The following RARB variants were observed in gnomAD, a reference collection of about 807,000 sequenced individuals.
RARB encodes the protein HBV-activated protein.
In RARB, 17 loss-of-function variants were observed where a neutral mutation model predicts 51.9. The observed-to-expected ratio is 0.33, with a 90% CI of 0.22 to 0.49. The LOEUF is 0.49. Among genes scored for constraint, RARB ranks in the 20% least tolerant of loss-of-function variants. The pLI, the probability that RARB is intolerant of heterozygous loss-of-function variation, is 0.99. For synonymous variants in RARB, 215 were observed against 195.4 expected, an observed-to-expected ratio of 1.10 and a Z score of -0.84; for missense variants, 369 against 550.8, an observed-to-expected ratio of 0.67 and a Z score of 3.30.
rs540471083 is a variant in RARB, at chr3:24,839,686, G to A, written c.-459+10283G>A. Among the ~76,000 whole-genome samples the A allele has an allele frequency of 3.6e-3, 386 of 106,070 alleles. 2 individuals carry two copies. The highest frequency in any genetic ancestry group is 8.9e-3 in the Middle Eastern group (1 of 112). The allele number at this position is 106,070 out of a possible 152,430, so 69.6% of individuals were successfully genotyped here. On this transcript the variant is annotated intron_variant, in intron 1 of 11. Coordinates refer to the RARB transcript ENST00000383772. Reference sequence around the variant, plus strand: ...GCCACTGCACTCCAGCCTAGGCTACGGACCAAGACGCTGTCTCAAAAAAAA... The same window carrying A: ...GCCACTGCACTCCAGCCTAGGCTACAGACCAAGACGCTGTCTCAAAAAAAA...
chr3:25,512,455 C>T (rs980083486), intron 3 of RARB, among the ~76,000 whole-genome samples: 3 of 151,636 alleles, frequency 2.0e-5, no homozygotes, highest in African/African-American at 7.2e-5. Flanking sequence ...TCCAAATGTC[C>T]AAATGTGTTA....
chr3:25,447,662 A>G (rs1263813720), intron 1 of RARB, among the ~76,000 whole-genome samples: 2 of 152,116 alleles, frequency 1.3e-5, no homozygotes. Flanking sequence ...TAAAGAAGCC[A>G]TTTCTGAGGG....
rs56693487 is a variant in RARB, at chr3:25,539,532, C to CTTT, written c.449-30212_449-30210dup. 8.1e-4 allele frequency among the ~76,000 whole-genome samples: 83 copies of CTTT among 102,368 alleles called. 1 individual carries two copies. Among genetic ancestry groups the CTTT allele is most frequent in the African/African-American group, 2.6e-3 (59 of 23,052 alleles). The allele number at this position is 102,368 out of a possible 152,430, so 67.2% of individuals were successfully genotyped here. On this transcript the variant is annotated intron_variant, in intron 3 of 7. Transcript: ENST00000330688. ...CCACCTGGCCACACTCTCTCTCTCT[C>CTTT]TTTTTTTTTTTTTTTTCTTTTTTTT...
chr3:25,478,199 A>G (rs1390607544), intron 2 of RARB, among the ~76,000 whole-genome samples: 1 of 152,192 alleles, frequency 6.6e-6, no homozygotes, highest in Non-Finnish European at 1.5e-5. Context: ...TATTGGTTAA[A>G]GCAGCCACAG....
At chr3:25,126,426 C>A (rs1023143850) in intron 3 of RARB, among the ~76,000 whole-genome samples, 2 of 151,558 alleles carry the variant, frequency 1.3e-5, no homozygotes, top group Admixed American at 6.6e-5. Flanking sequence ...TGTTATTTTT[C>A]CAGTGAAAAC....
chr3:24,974,263 C>T (rs1238749267), intron 2 of RARB, among the ~76,000 whole-genome samples: 1 of 151,980 alleles, frequency 6.6e-6, no homozygotes, highest in Non-Finnish European at 1.5e-5. Context: ...TTGAATTATT[C>T]TTGCATCCCT....
At chr3:24,837,083 C>T (rs1448130855) in intron 1 of RARB, among the ~76,000 whole-genome samples, 1 of 151,980 alleles carries the variant, frequency 6.6e-6, no homozygotes, top group Non-Finnish European at 1.5e-5. Flanking sequence ...TGAAGAAAAC[C>T]TTATCATATA....
chr3:24,962,226 G>T (rs1257144927), intron 2 of RARB, among the ~76,000 whole-genome samples: 1 of 150,826 alleles, frequency 6.6e-6, no homozygotes, highest in Admixed American at 6.6e-5. Context: ...ACCTCGCCCG[G>T]CCCCTTTGGG....
intron 3 of RARB, among the ~76,000 whole-genome samples, chr3:25,111,262 A>G (rs1487271819): frequency 3.9e-5 from 6 of 152,326 alleles, no homozygotes; most frequent in East Asian, 1.9e-4. Flanking sequence ...AAGTGCTTCA[A>G]TCATATTTGA....
chr3:25,391,508 A>C (rs190137565), intron 5 of RARB, among the ~76,000 whole-genome samples: 84 of 152,298 alleles, frequency 5.5e-4, no homozygotes, highest in Non-Finnish European at 1.0e-3. Flanking sequence ...TTACATTCCC[A>C]ATAGCAGTGC....
intron 4 of RARB, among the ~76,000 whole-genome samples, chr3:25,167,337 T>G (rs1700576680): frequency 6.6e-6 from 1 of 152,102 alleles, no homozygotes; most frequent in African/African-American, 2.4e-5. Flanking sequence ...GTATAAATCA[T>G]CAAAGATAAC....
At chr3:25,517,302 G>A (rs1477217008) in intron 3 of RARB, among the ~76,000 whole-genome samples, 1 of 152,064 alleles carries the variant, frequency 6.6e-6, no homozygotes, top group Non-Finnish European at 1.5e-5. Context: ...ACAGTAAAAA[G>A]ATAAATAGCT....
At chr3:25,131,310 C>A (rs1455688619) in intron 3 of RARB, among the ~76,000 whole-genome samples, 1 of 152,030 alleles carries the variant, frequency 6.6e-6, no homozygotes, top group Admixed American at 6.6e-5. Context: ...TAGCTGGAGT[C>A]ATTCGCTCTT....
At chr3:25,206,210 C>T (rs1253673638) in intron 5 of RARB, among the ~76,000 whole-genome samples, 1 of 152,140 alleles carries the variant, frequency 6.6e-6, no homozygotes, top group Non-Finnish European at 1.5e-5. Context: ...TCAAGTGAAT[C>T]CCCTCCTTGG....
At chr3:25,203,185 A>T (rs182162042) in intron 5 of RARB, among the ~76,000 whole-genome samples, 1 of 152,154 alleles carries the variant, frequency 6.6e-6, no homozygotes, top group Non-Finnish European at 1.5e-5. Context: ...CCATTATGCA[A>T]TGGCCTTCTT....
intron 1 of RARB, among the ~76,000 whole-genome samples, chr3:25,444,341 G>C (rs1485938889): frequency 2.0e-5 from 3 of 152,170 alleles, no homozygotes; most frequent in African/African-American, 7.2e-5. Context: ...AGAGGGATGG[G>C]GAAGATTAGA....
chr3:25,401,868 C>A (rs535767172), intron 5 of RARB, among the ~76,000 whole-genome samples: 1 of 152,242 alleles, frequency 6.6e-6, no homozygotes, highest in Admixed American at 6.5e-5. Context: ...CCTCTGCCTC[C>A]CGGGTTCAAG....
chr3:25,071,316 G>A (rs1698761496), intron 3 of RARB, among the ~76,000 whole-genome samples: 1 of 152,200 alleles, frequency 6.6e-6, no homozygotes, highest in African/African-American at 2.4e-5. Context: ...ATCACAAACA[G>A]TTACTTTGGC....
chr3:24,998,533 T>A (rs1320252797), intron 2 of RARB, among the ~76,000 whole-genome samples: 1 of 152,128 alleles, frequency 6.6e-6, no homozygotes, highest in Non-Finnish European at 1.5e-5. Context: ...CTTTTTGCGT[T>A]CAGAACAGCT....
Sources: gnomAD v4.1 joint callset for allele counts (sites outside exome capture counted in the v4.1 genomes callset) on GRCh38, gnomAD v4.1.1 for gene constraint, MANE v1.5 for transcripts, NCBI Gene and HGNC (gene_info 2026-07-23, HGNC 2026-07-21) for gene names.